Variants in BDNF observed in about 807,000 individuals in gnomAD.
The protein encoded by BDNF is neurotrophic factor BDNF precursor form.
Under a neutral mutation model 19.5 loss-of-function variants are expected in BDNF, and 1 was observed. The observed-to-expected ratio is 0.05, with a 90% CI of 0.02 to 0.24. BDNF has a LOEUF of 0.24. Among genes scored for constraint, BDNF ranks in the 10% least tolerant of loss-of-function variants. The probability of loss-of-function intolerance (pLI) is 1.00; values close to 1 mark genes in which losing one functional copy is unlikely to be tolerated. For synonymous variants in BDNF, 100 were observed against 121.6 expected, an observed-to-expected ratio of 0.82 and a Z score of 1.17; for missense variants, 195 against 317.6, an observed-to-expected ratio of 0.61 and a Z score of 2.93.
chr11:27,668,487 A>G (rs1854758797), intron 1 of BDNF, among the ~76,000 whole-genome samples: 1 of 152,158 alleles, frequency 6.6e-6, no homozygotes, highest in Non-Finnish European at 1.5e-5. Flanking sequence ...TTTTTTAAAA[A>G]GATCAACAAA....
chr11:27,701,499 T>C (rs1471545641), upstream of BDNF: 15 of 989,396 alleles, frequency 1.5e-5, no homozygotes, highest in Non-Finnish European at 2.4e-6. Context: ...GGAAATTGCA[T>C]GGCGGAGGTA....
chr11:27,697,143 GCACA>G (rs138533217), intron 1 of BDNF, among the ~76,000 whole-genome samples: 13,662 of 140,772 alleles, frequency 0.097, 983 homozygotes, highest in African/African-American at 0.19. Context: ...GCACGTGCAC[GCACA>G]CACACACACA....
At chr11:27,713,613 G>C (rs1483998611) in intron 1 of BDNF, among the ~76,000 whole-genome samples, 1 of 152,274 alleles carries the variant, frequency 6.6e-6, no homozygotes, top group East Asian at 1.9e-4. Flanking sequence ...GATGAGCATG[G>C]TGCTACAAGG....
In BDNF at chr11:27,657,294, C is replaced by A; in HGVS notation, c.*527G>T. The A allele has an allele frequency of 1.0e-6, 1 of 987,856 alleles. No individual in the cohort carries two copies. The highest frequency in any genetic ancestry group is 1.2e-6 in the Non-Finnish European group (1 of 831,402). The allele number at this position is 987,856 out of a possible 1,614,324, so 61.2% of individuals were successfully genotyped here. ...CAAAAATATACCCCCCATCCCCCAT[C>A]CCCTAAGCCAGTAAAGCAATGACAA... On this transcript the variant is annotated 3_prime_UTR_variant, in exon 2 of 2. Transcript: ENST00000356660. This position sits in a 1 kb window ranked among gnomAD's most constrained non-coding sequence, Gnocchi z 5.0.
rs1046672118 is a variant in BDNF at position 27,657,613 on chromosome 11, T to C, written c.*208A>G. On this transcript the variant is annotated 3_prime_UTR_variant, in exon 2 of 2. Transcript: ENST00000356660. This position sits in a 1 kb window ranked among gnomAD's most constrained non-coding sequence, Gnocchi z 5.0. ...TTATCAAGGAATGTAATGCAGACTTTTTAAGTTGTGCGCAAATGACTGTTT... is the reference window on the plus strand; with the variant it reads ...TTATCAAGGAATGTAATGCAGACTTCTTAAGTTGTGCGCAAATGACTGTTT... 48 of 1,380,638 alleles carry C rather than the reference T, an allele frequency of 3.5e-5. No individual in the cohort carries two copies. The African/African-American group carries it at 5.1e-4, about 15-fold the overall frequency. The allele number at this position is 1,380,638 out of a possible 1,614,324, so 85.5% of individuals were successfully genotyped here.
At position 27,655,031 on chromosome 11, in the gene BDNF, T is replaced by C. The variant is rs1852385148; in HGVS notation, c.*2790A>G. The C allele has an allele frequency of 6.6e-6, 1 of 152,286 alleles. No individual in the cohort carries two copies. 9.4% of individuals were successfully genotyped at this position (152,286 alleles called of 1,614,324 possible). A position where few individuals can be genotyped will look rare whatever the true frequency, so the allele number is the denominator to read the frequency against. On this transcript the variant is annotated 3_prime_UTR_variant, in exon 2 of 2. Coordinates refer to ENST00000356660, the MANE Select transcript of BDNF (RefSeq NM_001709.5). Reference sequence around the variant, plus strand: ...TGCGGTTAAGTTTTAATGCCAATTTTTTTCAATAACATAATTATATAAATA... The same window carrying C: ...TGCGGTTAAGTTTTAATGCCAATTTCTTTCAATAACATAATTATATAAATA...
intron 1 of BDNF, among the ~76,000 whole-genome samples, chr11:27,680,002 C>T (rs181083571): frequency 3.3e-5 from 5 of 152,330 alleles, no homozygotes; most frequent in Non-Finnish European, 5.9e-5. Context: ...ATTTCTGTGG[C>T]GAGGTTATTT....
Position 27,657,461 on chromosome 11 carries a change from GTGTT to G in BDNF, c.*356_*359del. On this transcript the variant is annotated 3_prime_UTR_variant, in exon 2 of 2. Transcript: ENST00000356660. This position sits in a 1 kb window ranked among gnomAD's most constrained non-coding sequence, Gnocchi z 5.0. ...GTTCAAATTTTTGTTGTGTGTGTGT[GTGTT>G]TTTTTTCTGTTTTCTGAAAGAGGAC... 2 of 994,962 alleles carry G rather than the reference GTGTT, an allele frequency of 2.0e-6. No homozygotes were observed. Among genetic ancestry groups the G allele is most frequent in the African/African-American group, 1.9e-5 (1 of 52,786 alleles). 61.6% of individuals were successfully genotyped at this position (994,962 alleles called of 1,614,324 possible). A position where few individuals can be genotyped will look rare whatever the true frequency, so the allele number is the denominator to read the frequency against.
At chr11:27,707,888 T>C (rs1354866306) in intron 1 of BDNF, among the ~76,000 whole-genome samples, 7 of 152,106 alleles carry the variant, frequency 4.6e-5, no homozygotes, top group Non-Finnish European at 1.0e-4. Context: ...TACGGCTAGA[T>C]ATCCAATTTT....
At chr11:27,720,310 A>G in intron 1 of BDNF, 2 of 985,078 alleles carry the variant, frequency 2.0e-6, no homozygotes, top group Non-Finnish European at 2.4e-6. Flanking sequence ...TAGCTCAAGA[A>G]TTGGGGATGC....
chr11:27,682,804 A>G (rs980349139), intron 1 of BDNF, among the ~76,000 whole-genome samples: 1 of 151,384 alleles, frequency 6.6e-6, no homozygotes, highest in African/African-American at 2.4e-5. Context: ...TATCCAGTCT[A>G]TCATTGATGG....
chr11:27,708,919 C>G (rs1015504433), intron 1 of BDNF, among the ~76,000 whole-genome samples: 1 of 147,948 alleles, frequency 6.8e-6, no homozygotes, highest in Non-Finnish European at 1.5e-5. Context: ...ACCTCTGCCT[C>G]CTGGGTTCAA....
rs569089294 is a variant in BDNF, at chr11:27,667,111, T to A, written c.-21-8526A>T. Among the ~76,000 whole-genome samples, 11 of 152,286 alleles carry A rather than the reference T, an allele frequency of 7.2e-5. No individual in the cohort carries two copies. The South Asian group carries it at 2.3e-3, about 32-fold the overall frequency. On this transcript the variant is annotated intron_variant, in intron 1 of 1. Coordinates refer to ENST00000356660, the MANE Select transcript of BDNF (RefSeq NM_001709.5). The stretch of plus-strand genomic sequence containing the variant: ...AGCCAGAAGAGAGTGGGGGCCAATA[T>A]TCAACATTCTTAAAGAAAAGAATTT...
intron 1 of BDNF, among the ~76,000 whole-genome samples, chr11:27,698,906 C>CT (rs1859528028): frequency 6.6e-6 from 1 of 152,116 alleles, no homozygotes; most frequent in Non-Finnish European, 1.5e-5. Flanking sequence ...CCAATCGAGG[C>CT]TTATCAAAGC....
upstream of BDNF, among the ~76,000 whole-genome samples, chr11:27,702,769 C>T (rs1373258824): frequency 2.0e-5 from 3 of 152,174 alleles, no homozygotes; most frequent in East Asian, 5.8e-4. Context: ...ATTATTTACC[C>T]GTTTTATAAA....
chr11:27,696,722 C>T (rs1301388365), intron 1 of BDNF, among the ~76,000 whole-genome samples: 1 of 152,192 alleles, frequency 6.6e-6, no homozygotes, highest in Non-Finnish European at 1.5e-5. Context: ...AGCAATTACC[C>T]TATAAAAGGG....
chr11:27,708,487 T>A (rs1393839316), intron 1 of BDNF, among the ~76,000 whole-genome samples: 1 of 152,198 alleles, frequency 6.6e-6, no homozygotes, highest in Non-Finnish European at 1.5e-5. Flanking sequence ...CCTAGATTAA[T>A]TTTTTTCTAA....
intron 1 of BDNF, chr11:27,699,438 A>T (rs753058303): frequency 6.8e-6 from 11 of 1,613,706 alleles, no homozygotes; most frequent in Non-Finnish European, 7.6e-6. Flanking sequence ...AGAATCCCCC[A>T]CGTACATCCC....
rs1852466556 is a variant in BDNF at position 27,655,674 on chromosome 11, G to T, written c.*2147C>A. On this transcript the variant is annotated 3_prime_UTR_variant, in exon 2 of 2. Coordinates refer to ENST00000356660, the MANE Select transcript of BDNF (RefSeq NM_001709.5). The stretch of plus-strand genomic sequence containing the variant: ...AACAAATTGAAATTCTTTGCTGATG[G>T]TATCTTCATTCCTGGGTTATGGTGA... The T allele has an allele frequency of 6.6e-6, 1 of 152,190 alleles. No individual in the cohort carries two copies. The highest frequency in any genetic ancestry group is 2.4e-5 in the African/African-American group (1 of 41,434). The allele number at this position is 152,190 out of a possible 1,614,324, so 9.4% of individuals were successfully genotyped here.
Sources: allele counts gnomAD v4.1 joint callset (sites outside exome capture counted in the v4.1 genomes callset), GRCh38; gene constraint gnomAD v4.1.1; non-coding constraint Gnocchi (gnomAD v3.1); transcripts MANE v1.5; gene names NCBI Gene and HGNC (gene_info 2026-07-23, HGNC 2026-07-21).